Variants in BCKDHB observed in about 807,000 individuals in gnomAD.
BCKDHB encodes branched chain keto acid dehydrogenase E1 subunit beta.
Under a neutral mutation model 48.5 loss-of-function variants are expected in BCKDHB, and 41 were observed. The observed-to-expected ratio is 0.85, with a 90% CI of 0.66 to 1.10. The LOEUF is 1.10. BCKDHB is among the 50% of genes least tolerant of loss of function. BCKDHB has a pLI of 0.00. For missense variants in BCKDHB, 496 were observed against 494.2 expected (o/e 1.00, Z -0.03); for synonymous variants, 201 against 174.8 (o/e 1.15, Z -1.18).
rs142101742 is a variant in BCKDHB, at chr6:80,231,073, T to C, written c.951+27861T>C. On this transcript the variant is annotated intron_variant, in intron 8 of 9. Transcript: ENST00000320393. ...GGTTGGCCAATTCATGATGTAGATC[T>C]TAAAACAAAATAGTGCTCAGAAATA... Among the ~76,000 whole-genome samples, 879 of 152,308 alleles carry C rather than the reference T, an allele frequency of 5.8e-3. 11 individuals carry two copies. Among genetic ancestry groups the C allele is most frequent in the African/African-American group, 0.02 (844 of 41,574 alleles).
intron 9 of BCKDHB, among the ~76,000 whole-genome samples, chr6:80,301,706 G>A (rs1041858899): frequency 3.3e-5 from 5 of 151,892 alleles, no homozygotes; most frequent in African/African-American, 9.7e-5. Flanking sequence ...AACAACAAAA[G>A]AACACTTCAA....
chr6:80,282,837 G>A (rs1766411508), intron 9 of BCKDHB, among the ~76,000 whole-genome samples: 1 of 151,998 alleles, frequency 6.6e-6, no homozygotes, highest in Admixed American at 6.6e-5. Context: ...TTTATTATAT[G>A]TAGATGTTTC....
chr6:80,168,178 C>G (rs1172583239), intron 4 of BCKDHB, among the ~76,000 whole-genome samples: 1 of 151,932 alleles, frequency 6.6e-6, no homozygotes, highest in Admixed American at 6.6e-5. Context: ...CCCAGTTACT[C>G]TGGTGGCTGA....
At chr6:80,276,861 A>G (rs1562196620) in intron 9 of BCKDHB, among the ~76,000 whole-genome samples, 2 of 152,132 alleles carry the variant, frequency 1.3e-5, no homozygotes, top group South Asian at 2.1e-4. Flanking sequence ...AGAGAAATAA[A>G]TGATTACAAA....
the BCKDHB span, among the ~76,000 whole-genome samples, chr6:80,369,463 G>A: frequency 0.013 from 1,931 of 152,266 alleles, 37 homozygotes; most frequent in African/African-American, 0.044. Context: ...AAAGATGGGG[G>A]TTTAGATTAT....
the BCKDHB span, among the ~76,000 whole-genome samples, chr6:80,417,612 G>C: frequency 1.3e-5 from 2 of 152,190 alleles, no homozygotes; most frequent in Non-Finnish European, 1.5e-5. Context: ...AGTTCGGCCA[G>C]ATATAAAATT....
At chr6:80,374,082 T>A in the BCKDHB span, 1 of 694,446 alleles carries the variant, frequency 1.4e-6, no homozygotes, top group Non-Finnish European at 2.7e-6. Flanking sequence ...CTGGGCAACT[T>A]CTTCTTCTGG....
intron 8 of BCKDHB, among the ~76,000 whole-genome samples, chr6:80,253,796 A>G (rs924043224): frequency 1.3e-5 from 2 of 152,060 alleles, no homozygotes; most frequent in Admixed American, 1.3e-4. Context: ...GTAAAAGAAG[A>G]TTTTTTAACC....
At chr6:80,408,975 T>G in the BCKDHB span, among the ~76,000 whole-genome samples, 8 of 152,312 alleles carry the variant, frequency 5.3e-5, no homozygotes, top group African/African-American at 1.7e-4. Context: ...AAGGTGTCAA[T>G]TTTAGATCTT....
chr6:80,292,488 C>T (rs1443483573), intron 9 of BCKDHB, among the ~76,000 whole-genome samples: 8 of 152,026 alleles, frequency 5.3e-5, no homozygotes, highest in African/African-American at 1.9e-4. Flanking sequence ...GGGGAAGACC[C>T]ATCCCCATGA....
chr6:80,228,810 C>T (rs1775787776), intron 8 of BCKDHB, among the ~76,000 whole-genome samples: 1 of 152,124 alleles, frequency 6.6e-6, no homozygotes, highest in Non-Finnish European at 1.5e-5. Context: ...AGCCTGGGCT[C>T]TCAGAAGGTT....
the BCKDHB span, among the ~76,000 whole-genome samples, chr6:80,363,607 TGATCTC>T: frequency 6.6e-6 from 1 of 152,198 alleles, no homozygotes; most frequent in Non-Finnish European, 1.5e-5. Flanking sequence ...TTAGAAAAGA[TGATCTC>T]AATCTATGAA....
intron 8 of BCKDHB, among the ~76,000 whole-genome samples, chr6:80,218,222 T>C (rs1402896312): frequency 1.3e-5 from 2 of 152,124 alleles, no homozygotes; most frequent in Admixed American, 6.5e-5. Context: ...GTTTCACTGC[T>C]GAGTTAGGTT....
chr6:80,382,600 A>C, the BCKDHB span, among the ~76,000 whole-genome samples: 1 of 152,000 alleles, frequency 6.6e-6, no homozygotes, highest in African/African-American at 2.4e-5. Flanking sequence ...AACTACCCTA[A>C]TGTTTATTGC....
chr6:80,295,442 A>G (rs1767174946), intron 9 of BCKDHB, among the ~76,000 whole-genome samples: 1 of 152,096 alleles, frequency 6.6e-6, no homozygotes, highest in Non-Finnish European at 1.5e-5. Context: ...ATACTTACTC[A>G]CTATCACAGA....
chr6:80,184,601 C>T (rs1479570760), intron 6 of BCKDHB, among the ~76,000 whole-genome samples: 2 of 151,856 alleles, frequency 1.3e-5, no homozygotes, highest in African/African-American at 4.8e-5. Context: ...TTTAGAACTC[C>T]TTTTAGAAGT....
intron 8 of BCKDHB, among the ~76,000 whole-genome samples, chr6:80,212,779 T>C (rs1774998586): frequency 6.6e-6 from 1 of 152,236 alleles, no homozygotes; most frequent in Non-Finnish European, 1.5e-5. Context: ...GTTCCCTGAC[T>C]TCCTGCAACA....
chr6:80,200,834 T>C lies in BCKDHB; in HGVS notation c.743-100T>C, dbSNP rs1001975808. On this transcript the variant is annotated intron_variant, in intron 6 of 9. Coordinates refer to ENST00000320393, the MANE Select transcript of BCKDHB (RefSeq NM_183050.4). ...ATACAGAATTTAGAGAAACAAAAAA[T>C]AAAATAAAGCTTTGCTACAGTGAGC... 5 of 960,788 alleles carry C rather than the reference T, an allele frequency of 5.2e-6. No homozygotes were observed. In the African/African-American group the frequency reaches 8.2e-5, roughly 16 times the overall value. 59.5% of individuals were successfully genotyped at this position (960,788 alleles called of 1,614,324 possible). A position where few individuals can be genotyped will look rare whatever the true frequency, so the allele number is the denominator to read the frequency against.
At chr6:80,331,238 T>G (rs1241466023) in intron 9 of BCKDHB, among the ~76,000 whole-genome samples, 1 of 152,096 alleles carries the variant, frequency 6.6e-6, no homozygotes. Flanking sequence ...CCATGGAAAT[T>G]GAGTTTCTAA....
Sources: gnomAD v4.1 joint callset for allele counts (sites outside exome capture counted in the v4.1 genomes callset) on GRCh38, gnomAD v4.1.1 for gene constraint, MANE v1.5 for transcripts, NCBI Gene and HGNC (gene_info 2026-07-23, HGNC 2026-07-21) for gene names.